The following KLHDC2 variants were observed in gnomAD, a reference collection of about 807,000 sequenced individuals.
The protein encoded by KLHDC2 is kelch domain containing 2.
A neutral mutation model predicts 62.3 loss-of-function variants in KLHDC2; 38 were observed. That is an observed-to-expected ratio of 0.61 (90% CI 0.47 to 0.80). The LOEUF (loss-of-function observed/expected upper bound fraction) is 0.80, where lower values mean the gene tolerates loss of function less well. KLHDC2 is among the 30% of genes least tolerant of loss of function. The probability of loss-of-function intolerance (pLI) is 0.00; values close to 1 mark genes in which losing one functional copy is unlikely to be tolerated. For synonymous variants in KLHDC2, 159 were observed against 161.0 expected, an observed-to-expected ratio of 0.99 and a Z score of 0.09; for missense variants, 430 against 495.3, an observed-to-expected ratio of 0.87 and a Z score of 1.25.
intron 3 of KLHDC2, among the ~76,000 whole-genome samples, chr14:49,777,589 T>TAA (rs11379959): frequency 4.8e-5 from 7 of 144,440 alleles, no homozygotes; most frequent in Non-Finnish European, 1.1e-4. Flanking sequence ...CCCTGTCTCT[T>TAA]AAAAAAAAAA....
At chr14:49,776,228 A>G (rs1190193684) in intron 3 of KLHDC2, among the ~76,000 whole-genome samples, 1 of 152,156 alleles carries the variant, frequency 6.6e-6, no homozygotes, top group African/African-American at 2.4e-5. Flanking sequence ...TTCAGAGCCA[A>G]GGGGGAGAAT....
chr14:49,785,867 C>T lies in KLHDC2; in HGVS notation c.*2914C>T, dbSNP rs1890151333. 1 of 129,076 alleles carries T rather than the reference C, an allele frequency of 7.7e-6. No homozygotes were observed. Among genetic ancestry groups the T allele is most frequent in the South Asian group, 2.5e-4 (1 of 4,004 alleles). The allele number at this position is 129,076 out of a possible 1,614,324, so 8.0% of individuals were successfully genotyped here. On this transcript the variant is annotated 3_prime_UTR_variant, in exon 13 of 13. Coordinates refer to ENST00000298307, the MANE Select transcript of KLHDC2 (RefSeq NM_014315.3). ...TGTCACTGCACTGGGTGACACCAGC[C>T]TGGGTGACAGAGACCCTGTCTCAAA...
Position 49,784,815 on chromosome 14 carries a change from G to C in KLHDC2, c.*1862G>C, listed in dbSNP as rs1013678716. On this transcript the variant is annotated 3_prime_UTR_variant, in exon 13 of 13. Transcript: ENST00000298307. ...CATTTCCAAACTTTTAGCTGAGATG[G>C]TTTTACTGCTTCTAATAAGACAGCA... is the stretch of plus-strand genomic sequence containing the variant. 3 of 1,396,454 alleles carry C rather than the reference G, an allele frequency of 2.1e-6. No homozygotes were observed. Among genetic ancestry groups the C allele is most frequent in the Non-Finnish European group, 3.0e-6 (3 of 992,926 alleles). The allele number at this position is 1,396,454 out of a possible 1,614,324, so 86.5% of individuals were successfully genotyped here.
intron 8 of KLHDC2, 142 bp downstream of exon 8, chr14:49,779,948 G>T: frequency 1.5e-6 from 1 of 665,164 alleles, no homozygotes. Context: ...CTTAAGGAAT[G>T]AATTTTATTT....
chr14:49,782,265 A>G (rs1196315866), intron 10 of KLHDC2, 105 bp from the exon 11 acceptor site: 2 of 682,262 alleles, frequency 2.9e-6, no homozygotes, highest in Non-Finnish European at 5.0e-6. Flanking sequence ...TTTGGTCTGA[A>G]CTACCTTAAG....
intron 3 of KLHDC2, chr14:49,774,953 CT>C: frequency 2.8e-6 from 1 of 362,778 alleles, no homozygotes; most frequent in Non-Finnish European, 5.0e-6. Flanking sequence ...CTCTTAGAAC[CT>C]TAAATGTTAG....
Position 49,779,627 on chromosome 14 carries a change from C to G in KLHDC2, c.666C>G (p.Ala222=), listed in dbSNP as rs773210030. 3 of 1,614,050 alleles carry G rather than the reference C, an allele frequency of 1.9e-6. No individual in the cohort carries two copies. The highest frequency in any genetic ancestry group is 1.7e-5 in the Admixed American group (1 of 59,994). Reference sequence around the variant, plus strand: ...CACCTTCACCTCGTGCTGCCCATGCCTGTGCAACTGTCGGAAATAGAGGCT... The same window carrying G: ...CACCTTCACCTCGTGCTGCCCATGCGTGTGCAACTGTCGGAAATAGAGGCT... ...GKAPSPRAAH[A]CATVGNRGFV... Residue 222 remains alanine (A), a synonymous_variant, in exon 7 of 13, where the codon GCC becomes GCG. Transcript: ENST00000298307.
chr14:49,774,534 A>T, intron 2 of KLHDC2, 27 bp from the exon 3 acceptor site: 1 of 1,373,800 alleles, frequency 7.3e-7, no homozygotes, highest in Non-Finnish European at 1.0e-6. Flanking sequence ...CCTTTAACTT[A>T]CATACATTTA....
At position 49,778,595 on chromosome 14, in the gene KLHDC2, A is replaced by C. The variant is rs557067528; in HGVS notation, c.633+101A>C. 1.1e-3 allele frequency: 703 copies of C among 616,270 alleles called. 4 individuals carry two copies. The African/African-American group carries it at 0.012, about 10-fold the overall frequency. The allele number at this position is 616,270 out of a possible 1,614,324, so 38.2% of individuals were successfully genotyped here. ...GCACCAGAGTTGGAAGATACTGTGA[A>C]AGTGACAGTTCATTCTTGTTTTCTG... On this transcript the variant is annotated intron_variant, in intron 6 of 12. Transcript: ENST00000298307.
chr14:49,784,106 G>C lies in KLHDC2; in HGVS notation c.*1153G>C, dbSNP rs1029180327. On this transcript the variant is annotated 3_prime_UTR_variant, in exon 13 of 13. Transcript: ENST00000298307. ...TTCAAGAAAATGTAGAATAACTACA[G>C]ATGTATATAATTAGCATTTAACTGT... The C allele has an allele frequency of 4.0e-5, 6 of 151,320 alleles. No homozygotes were observed. Among genetic ancestry groups the C allele is most frequent in the African/African-American group, 1.5e-4 (6 of 41,136 alleles). The allele number at this position is 151,320 out of a possible 1,614,324, so 9.4% of individuals were successfully genotyped here.
At chr14:49,774,906 G>A in intron 3 of KLHDC2, 1 of 470,794 alleles carries the variant, frequency 2.1e-6, no homozygotes, top group South Asian at 2.9e-5. Flanking sequence ...GTAACTTCCT[G>A]GGTGGTTTTT....
At chr14:49,768,936 G>A (rs1456557235) in intron 1 of KLHDC2, 1 of 314,286 alleles carries the variant, frequency 3.2e-6, no homozygotes, top group Non-Finnish European at 5.9e-6. Flanking sequence ...TTGCTTGGGC[G>A]GTGCATTCGG....
chr14:49,771,780 A>C (rs1889670230), intron 2 of KLHDC2, 107 bp downstream of exon 2: 1 of 630,310 alleles, frequency 1.6e-6, no homozygotes, highest in African/African-American at 1.9e-5. Context: ...ACGCGGGCGG[A>C]TCTCTCGAGG....
At chr14:49,780,594 ACT>A (rs1209458548) in intron 9 of KLHDC2, 107 bp from the exon 10 acceptor site, 60 of 805,936 alleles carry the variant, frequency 7.4e-5, no homozygotes, top group Non-Finnish European at 1.2e-4. Context: ...AAGAAAATAT[ACT>A]CTCTGTATCT....
Position 49,774,583 on chromosome 14 carries a change from G to C in KLHDC2, c.256G>C (p.Asp86His). The change falls in exon 3 of 13, where the codon GAT (aspartate) becomes CAT (histidine). Residue 86 changes from aspartate to histidine, a missense_variant. Physicochemically the swap from Asp to His is moderately conservative, Grantham distance 81. Transcript: ENST00000298307. Reference protein sequence around the residue: ...GRWKKINTEGDVPPSMSGSCA... With the variant: ...GRWKKINTEGHVPPSMSGSCA... ...CAGGAAAAAAATCAACACTGAAGGT[G>C]ATGTTCCTCCTTCTATGTCAGGAAG... 1 of 1,613,442 alleles carries C rather than the reference G, an allele frequency of 6.2e-7. No homozygotes were observed. Among genetic ancestry groups the C allele is most frequent in the Non-Finnish European group, 8.5e-7 (1 of 1,179,404 alleles).
At chr14:49,778,872 C>G (rs540790921) in intron 6 of KLHDC2, among the ~76,000 whole-genome samples, 1 of 151,856 alleles carries the variant, frequency 6.6e-6, no homozygotes, top group Non-Finnish European at 1.5e-5. Flanking sequence ...TACAGATGCC[C>G]GCAACCACGC....
At position 49,782,989 on chromosome 14, in the gene KLHDC2, G is replaced by C; in HGVS notation, c.*36G>C. On this transcript the variant is annotated 3_prime_UTR_variant, in exon 13 of 13. Coordinates refer to ENST00000298307, the MANE Select transcript of KLHDC2 (RefSeq NM_014315.3). ...ATAATGCCTATGATCACCTTGCATG[G>C]ACAGCAATCCTGTAAACATCACAGA... 1 of 1,598,940 alleles carries C rather than the reference G, an allele frequency of 6.3e-7. No individual in the cohort carries two copies. The highest frequency in any genetic ancestry group is 8.5e-7 in the Non-Finnish European group (1 of 1,171,656).
chr14:49,772,669 CAGTT>C (rs1203654821), intron 2 of KLHDC2, among the ~76,000 whole-genome samples: 5 of 152,184 alleles, frequency 3.3e-5, no homozygotes, highest in African/African-American at 9.7e-5. Flanking sequence ...TCCCACTTAA[CAGTT>C]AGGCTGGATG....
rs1338902221 is a variant in KLHDC2 at position 49,784,839 on chromosome 14, C to A, written c.*1886C>A. The A allele has an allele frequency of 2.8e-6, 4 of 1,410,110 alleles. No homozygotes were observed. The Admixed American group carries it at 5.5e-5, about 19-fold the overall frequency. 87.3% of individuals were successfully genotyped at this position (1,410,110 alleles called of 1,614,324 possible). ...GGTTTTACTGCTTCTAATAAGACAG[C>A]ATTTTCTACTAAAATAACAAAAAAC... is the stretch of plus-strand genomic sequence containing the variant. On this transcript the variant is annotated 3_prime_UTR_variant, in exon 13 of 13. Coordinates refer to ENST00000298307, the MANE Select transcript of KLHDC2 (RefSeq NM_014315.3).
Sources: gnomAD v4.1 joint callset for allele counts (sites outside exome capture counted in the v4.1 genomes callset) on GRCh38, gnomAD v4.1.1 for gene constraint, MANE v1.5 for transcripts, NCBI Gene and HGNC (gene_info 2026-07-23, HGNC 2026-07-21) for gene names.